FBXO21: variants seen among roughly 807,000 people sequenced by gnomAD.
FBXO21 encodes the protein F-box protein 21.
In FBXO21, 32 loss-of-function variants were observed where a neutral mutation model predicts 76.6. The observed-to-expected ratio is 0.42, with a 90% CI of 0.32 to 0.56. The LOEUF (loss-of-function observed/expected upper bound fraction) is 0.56. FBXO21 is among the 20% of genes least tolerant of loss of function. FBXO21 has a pLI of 0.16. For missense variants in FBXO21, 586 were observed against 797.3 expected, an observed-to-expected ratio of 0.73 and a Z score of 3.19; for synonymous variants, 328 against 311.5, an observed-to-expected ratio of 1.05 and a Z score of -0.56.
At position 117,174,229 on chromosome 12, in the gene FBXO21, A is replaced by G; in HGVS notation, c.852T>C (p.Asn284=). Residue 284 remains asparagine (N), a synonymous_variant, in exon 6 of 12, where the codon AAT becomes AAC. Transcript: ENST00000622495. Reference sequence around the variant, plus strand: ...CCTGATGCATATATAAGTTGAGGGCATTATAGTAATCCATTCGATTCCCCT... The same window carrying G: ...CCTGATGCATATATAAGTTGAGGGCGTTATAGTAATCCATTCGATTCCCCT... The part of the protein sequence containing the change: ...KFKGNRMDYY[N]ALNLYMHQVL... 4 of 1,612,872 alleles carry G rather than the reference A, an allele frequency of 2.5e-6. No individual in the cohort carries two copies. Among genetic ancestry groups the G allele is most frequent in the Non-Finnish European group, 3.4e-6 (4 of 1,178,822 alleles).
intron 3 of FBXO21, among the ~76,000 whole-genome samples, chr12:117,185,232 TA>T (rs554257901): frequency 4.3e-4 from 65 of 150,150 alleles, no homozygotes; most frequent in African/African-American, 1.5e-3. Context: ...CATTTATAGA[TA>T]AACCAAAATA....
intron 11 of FBXO21, among the ~76,000 whole-genome samples, chr12:117,149,082 T>C (rs543958080): frequency 5.9e-5 from 9 of 152,294 alleles, no homozygotes; most frequent in African/African-American, 1.7e-4. Flanking sequence ...TAGCAAAGCA[T>C]ATTTTCCTTG....
chr12:117,174,513 C>A, intron 5 of FBXO21, 138 bp downstream of exon 5: 1 of 1,217,628 alleles, frequency 8.2e-7, no homozygotes, highest in Non-Finnish European at 1.2e-6. Context: ...TTCAACACTT[C>A]AACCAGGTAA....
intron 3 of FBXO21, 23 bp downstream of exon 3, chr12:117,186,454 T>A (rs763503112): frequency 1.3e-6 from 2 of 1,512,352 alleles, no homozygotes; most frequent in Admixed American, 1.7e-5. Flanking sequence ...AGCAAACAAA[T>A]CCCTGCTAAA....
chr12:117,154,326 C>T (rs1230591009), intron 11 of FBXO21: 1 of 152,256 alleles, frequency 6.6e-6, no homozygotes, highest in Non-Finnish European at 1.5e-5. Context: ...AAACATTTAT[C>T]TTGATGCTGC....
At chr12:117,159,829 G>A (rs934067768) in intron 9 of FBXO21, among the ~76,000 whole-genome samples, 14 of 152,140 alleles carry the variant, frequency 9.2e-5, no homozygotes, top group South Asian at 4.1e-4. Flanking sequence ...ACTTGGCATC[G>A]TCAGAGAACA....
intron 9 of FBXO21, among the ~76,000 whole-genome samples, chr12:117,164,931 G>A (rs1956034329): frequency 6.6e-6 from 1 of 152,318 alleles, no homozygotes; most frequent in African/African-American, 2.4e-5. Flanking sequence ...GCTCACGGAG[G>A]TAAACACCGC....
chr12:117,146,361 C>T, intron 11 of FBXO21, 84 bp from the exon 12 acceptor site: 1 of 1,227,640 alleles, frequency 8.1e-7, no homozygotes, highest in Non-Finnish European at 1.1e-6. Context: ...CCCATCACCC[C>T]TTCCAGGTGG....
intron 3 of FBXO21, among the ~76,000 whole-genome samples, chr12:117,181,861 G>A (rs544037451): frequency 6.6e-6 from 1 of 152,236 alleles, no homozygotes; most frequent in African/African-American, 2.4e-5. Flanking sequence ...ATGTTGGCCA[G>A]GCTGGTCTCG....
At position 117,174,220 on chromosome 12, in the gene FBXO21, G is replaced by A; in HGVS notation, c.861C>T (p.Asn287=). 1 of 1,612,174 alleles carries A rather than the reference G, an allele frequency of 6.2e-7. No individual in the cohort carries two copies. The highest frequency in any genetic ancestry group is 8.5e-7 in the Non-Finnish European group (1 of 1,178,214). ...GNRMDYYNAL[N]LYMHQVLIRR... ...CTATATTTACCTGATGCATATATAA[G>A]TTGAGGGCATTATAGTAATCCATTC... is the stretch of plus-strand genomic sequence containing the variant. Residue 287 remains asparagine (N), a synonymous_variant, in exon 6 of 12, where the codon AAC becomes AAT. Transcript: ENST00000622495.
rs1017239747 is a variant in FBXO21, at chr12:117,143,463, C to G, written c.*2624G>C. 2 of 152,220 alleles carry G rather than the reference C, an allele frequency of 1.3e-5. No homozygotes were observed. The highest frequency in any genetic ancestry group is 2.9e-5 in the Non-Finnish European group (2 of 68,042). 9.4% of individuals were successfully genotyped at this position (152,220 alleles called of 1,614,324 possible). A position where few individuals can be genotyped will look rare whatever the true frequency, so the allele number is the denominator to read the frequency against. On this transcript the variant is annotated 3_prime_UTR_variant, in exon 12 of 12. Transcript: ENST00000622495. ...ACAGCACAGCCATTCAAATCAACGGCAACAGAACGCACGAAGAACCTGGTT... is the reference window on the plus strand; with the variant it reads ...ACAGCACAGCCATTCAAATCAACGGGAACAGAACGCACGAAGAACCTGGTT...
At chr12:117,166,737 T>C (rs1956057753) in intron 8 of FBXO21, among the ~76,000 whole-genome samples, 161 bp downstream of exon 8, 1 of 152,230 alleles carries the variant, frequency 6.6e-6, no homozygotes, top group African/African-American at 2.4e-5. Flanking sequence ...TAGTCTAAGA[T>C]ATTCTTGTTA....
rs577552851 is a variant in FBXO21, at chr12:117,174,130, C to T, written c.876+75G>A. On this transcript the variant is annotated intron_variant, in intron 6 of 11. Transcript: ENST00000622495. The stretch of plus-strand genomic sequence containing the variant: ...CCAGCCTGAGCAACAGAGCGAGACC[C>T]TGTCTCTAAAAACAGAAAAAAAAAG... 1.5e-5 allele frequency: 18 copies of T among 1,228,160 alleles called. No individual in the cohort carries two copies. The East Asian group carries it at 4.0e-4, about 27-fold the overall frequency. 76.1% of individuals were successfully genotyped at this position (1,228,160 alleles called of 1,614,324 possible).
In FBXO21 at chr12:117,186,169, G is replaced by A. The variant is rs552052041; in HGVS notation, c.470+308C>T. Among the ~76,000 whole-genome samples the A allele has an allele frequency of 2.6e-5, 4 of 152,276 alleles. No individual in the cohort carries two copies. The South Asian group carries it at 8.3e-4, about 32-fold the overall frequency. On this transcript the variant is annotated intron_variant, in intron 3 of 11. Coordinates refer to ENST00000622495, the MANE Select transcript of FBXO21 (RefSeq NM_015002.3). ...TGGGATTACAGGCGTGAGCCACCGT[G>A]CCTGGCCTATTACCAAAAGGTTTCT... is the stretch of plus-strand genomic sequence containing the variant.
chr12:117,158,019 C>G lies in FBXO21; in HGVS notation c.1371G>C (p.Gln457His). The change falls in exon 10 of 12, where the codon CAG becomes CAC. Residue 457 changes from glutamine to histidine, a missense_variant. Physicochemically the swap from Gln to His is conservative, Grantham distance 24 (BLOSUM62 0). Transcript: ENST00000622495. ...GCACCAGGTAGCCCACCGCCCCGTG[C>G]TGCCCCGGGTCTAGGGTTTGGATGT... ...LQHIQTLDPG[Q>H]HGAVGYLVQH... is the part of the protein sequence containing the mutation. The G allele has an allele frequency of 6.2e-7, 1 of 1,614,268 alleles. No homozygotes were observed. The highest frequency in any genetic ancestry group is 8.5e-7 in the Non-Finnish European group (1 of 1,180,046).
intron 3 of FBXO21, among the ~76,000 whole-genome samples, chr12:117,178,304 C>T (rs917099525): frequency 6.6e-6 from 1 of 152,110 alleles, no homozygotes; most frequent in African/African-American, 2.4e-5. Context: ...CAAATTACAT[C>T]CAAAATGTGC....
At chr12:117,173,076 C>T (rs895732464) in intron 6 of FBXO21, among the ~76,000 whole-genome samples, 2 of 151,664 alleles carry the variant, frequency 1.3e-5, no homozygotes, top group African/African-American at 4.8e-5. Context: ...GCTCTGTTGC[C>T]CAGACTGGAG....
At chr12:117,188,430 G>C (rs867393734) in intron 2 of FBXO21, among the ~76,000 whole-genome samples, 1 of 151,818 alleles carries the variant, frequency 6.6e-6, no homozygotes, top group Non-Finnish European at 1.5e-5. Flanking sequence ...CTGTAGTCCC[G>C]GCTACTCGGG....
intron 11 of FBXO21, among the ~76,000 whole-genome samples, chr12:117,149,748 T>G (rs1245840388): frequency 6.6e-6 from 1 of 152,222 alleles, no homozygotes; most frequent in Non-Finnish European, 1.5e-5. Context: ...TCTCCTCCAC[T>G]TTTTCCTTTC....
Sources: gnomAD v4.1 joint callset for allele counts (sites outside exome capture counted in the v4.1 genomes callset) on GRCh38, gnomAD v4.1.1 for gene constraint, MANE v1.5 for transcripts, NCBI Gene and HGNC (gene_info 2026-07-23, HGNC 2026-07-21) for gene names.